Variants in KATNA1 observed in about 807,000 individuals in gnomAD.
KATNA1 encodes katanin catalytic subunit A1, also known as katanin p60 ATPase-containing subunit A1.
Under a neutral mutation model 62.6 loss-of-function variants are expected in KATNA1, and 42 were observed. That is an observed-to-expected ratio of 0.67 (90% CI 0.52 to 0.87). The LOEUF (loss-of-function observed/expected upper bound fraction) is 0.87. Among genes scored for constraint, KATNA1 ranks in the 40% least tolerant of loss-of-function variants. KATNA1 has a pLI of 0.00. For missense variants in KATNA1, 498 were observed against 612.5 expected (o/e 0.81, Z 1.97); for synonymous variants, 186 against 201.9 (o/e 0.92, Z 0.67).
intron 5 of KATNA1, among the ~76,000 whole-genome samples, chr6:149,604,072 C>A (rs888455758): frequency 3.9e-5 from 6 of 152,134 alleles, no homozygotes; most frequent in Non-Finnish European, 1.5e-5. Flanking sequence ...CATTACAGAT[C>A]TTTGATTACA....
At chr6:149,635,948 G>A (rs1382313832) in intron 2 of KATNA1, among the ~76,000 whole-genome samples, 3 of 151,678 alleles carry the variant, frequency 2.0e-5, no homozygotes, top group African/African-American at 4.8e-5. Context: ...CCAGCTACTC[G>A]GGAGTCTGAG....
chr6:149,607,477 A>G (rs1778786807), intron 4 of KATNA1, among the ~76,000 whole-genome samples: 1 of 151,992 alleles, frequency 6.6e-6, no homozygotes, highest in Non-Finnish European at 1.5e-5. Flanking sequence ...AGCTGGGCAT[A>G]GTGGTACATG....
chr6:149,640,732 A>G (rs1582812273), intron 1 of KATNA1, among the ~76,000 whole-genome samples: 1 of 151,954 alleles, frequency 6.6e-6, no homozygotes, highest in East Asian at 1.9e-4. Flanking sequence ...GTATTTTAGT[A>G]GAGATAGGGT....
chr6:149,611,936 C>G (rs1388928670), intron 4 of KATNA1, among the ~76,000 whole-genome samples: 4 of 151,458 alleles, frequency 2.6e-5, no homozygotes, highest in African/African-American at 9.7e-5. Context: ...GGAGGCGGAG[C>G]TTGCAGTGAG....
At chr6:149,598,105 T>C in intron 8 of KATNA1, 119 bp downstream of exon 8, 1 of 1,106,188 alleles carries the variant, frequency 9.0e-7, no homozygotes. Context: ...CCATCTGAAG[T>C]TAAGAATACC....
chr6:149,626,871 T>C (rs1485001386), intron 3 of KATNA1, among the ~76,000 whole-genome samples: 2 of 151,080 alleles, frequency 1.3e-5, no homozygotes, highest in Non-Finnish European at 2.9e-5. Context: ...ATAATCCCAG[T>C]TACTTGGAAA....
chr6:149,640,952 C>T (rs1416255624), intron 1 of KATNA1, among the ~76,000 whole-genome samples: 1 of 151,938 alleles, frequency 6.6e-6, no homozygotes, highest in Non-Finnish European at 1.5e-5. Context: ...CTCACCACAA[C>T]CTCCGCCTCT....
At chr6:149,633,684 G>A (rs543133067) in intron 2 of KATNA1, among the ~76,000 whole-genome samples, 1 of 151,800 alleles carries the variant, frequency 6.6e-6, no homozygotes, top group South Asian at 2.1e-4. Context: ...AGAAAGCCAA[G>A]ATCACGCCAC....
chr6:149,627,053 G>A (rs1450365929), intron 3 of KATNA1, among the ~76,000 whole-genome samples: 1 of 151,760 alleles, frequency 6.6e-6, no homozygotes, highest in East Asian at 1.9e-4. Flanking sequence ...GTGTGTATAA[G>A]CAGTGCATGA....
At chr6:149,645,851 C>T (rs1209717061) in intron 1 of KATNA1, among the ~76,000 whole-genome samples, 1 of 151,770 alleles carries the variant, frequency 6.6e-6, no homozygotes, top group African/African-American at 2.4e-5. Flanking sequence ...GTATGTGATG[C>T]AGTGCTGTCT....
intron 1 of KATNA1, among the ~76,000 whole-genome samples, chr6:149,639,958 T>C (rs1162937169): frequency 6.6e-6 from 1 of 152,210 alleles, no homozygotes; most frequent in Non-Finnish European, 1.5e-5. Flanking sequence ...AGATACATTT[T>C]TTGAAGCAGT....
intron 3 of KATNA1, among the ~76,000 whole-genome samples, chr6:149,630,231 G>A (rs960646243): frequency 2.6e-5 from 4 of 152,232 alleles, no homozygotes; most frequent in African/African-American, 9.6e-5. Flanking sequence ...ATGTAATTAT[G>A]TGAAAGTGCG....
intron 5 of KATNA1, among the ~76,000 whole-genome samples, chr6:149,604,196 G>A (rs117299670): frequency 0.039 from 5,966 of 152,258 alleles, 179 homozygotes; most frequent in Non-Finnish European, 0.061. Context: ...CCTTGGCCAG[G>A]TGCAAAGGCT....
rs73781281 is a variant in KATNA1 at position 149,608,217 on chromosome 6, A to G, written c.502-3435T>C. 4.2e-3 allele frequency among the ~76,000 whole-genome samples: 647 copies of G among 152,296 alleles called. 4 individuals are homozygous for G. Among genetic ancestry groups the G allele is most frequent in the African/African-American group, 0.015 (622 of 41,564 alleles). Reference sequence around the variant, plus strand: ...TACTTTTCAGCATTTCTTCTGCTAAACAGAGCTAAAACCCTTGGGTATTAT... The same window carrying G: ...TACTTTTCAGCATTTCTTCTGCTAAGCAGAGCTAAAACCCTTGGGTATTAT... On this transcript the variant is annotated intron_variant, in intron 4 of 10. Coordinates refer to ENST00000367411, the MANE Select transcript of KATNA1 (RefSeq NM_007044.4).
chr6:149,620,001 C>T (rs971688138), intron 4 of KATNA1, among the ~76,000 whole-genome samples: 18 of 152,074 alleles, frequency 1.2e-4, no homozygotes, highest in Admixed American at 6.6e-4. Flanking sequence ...TGAAATACTA[C>T]GTAACCACAA....
intron 6 of KATNA1, among the ~76,000 whole-genome samples, chr6:149,602,692 T>G (rs958912023): frequency 6.6e-6 from 1 of 152,104 alleles, no homozygotes; most frequent in Admixed American, 6.6e-5. Flanking sequence ...TTTGCAAATA[T>G]GAGCTCATTC....
At chr6:149,609,540 C>G (rs1358791361) in intron 4 of KATNA1, among the ~76,000 whole-genome samples, 1 of 151,978 alleles carries the variant, frequency 6.6e-6, no homozygotes, top group Non-Finnish European at 1.5e-5. Context: ...CATGGTGGCT[C>G]AGGCCTGTAA....
chr6:149,598,033 C>A, intron 8 of KATNA1, 191 bp downstream of exon 8: 1 of 573,690 alleles, frequency 1.7e-6, no homozygotes, highest in Non-Finnish European at 3.0e-6. Context: ...GACTTGTCAC[C>A]ACTGTCAGTG....
chr6:149,598,109 G>A (rs1471603814), intron 8 of KATNA1, 115 bp downstream of exon 8: 32 of 1,137,614 alleles, frequency 2.8e-5, no homozygotes, highest in Non-Finnish European at 3.8e-5. Context: ...CTGAAGTTAA[G>A]AATACCTATT....
Sources: allele counts gnomAD v4.1 joint callset (sites outside exome capture counted in the v4.1 genomes callset), GRCh38; gene constraint gnomAD v4.1.1; transcripts MANE v1.5; gene names NCBI Gene and HGNC (gene_info 2026-07-23, HGNC 2026-07-21).